Variants in NR6A1 observed in about 807,000 individuals in gnomAD.
NR6A1 encodes retinoic acid receptor-related testis-associated receptor.
Under a neutral mutation model 59.1 loss-of-function variants are expected in NR6A1, and 7 were observed. The observed-to-expected ratio is 0.12, with a 90% CI of 0.07 to 0.22. NR6A1 has a LOEUF of 0.22. Ranked by LOEUF, NR6A1 falls within the 10% of genes least tolerant of loss-of-function variation. NR6A1 has a pLI of 1.00. For missense variants in NR6A1, 468 were observed against 611.6 expected (o/e 0.77, Z 2.48); for synonymous variants, 243 against 236.1 (o/e 1.03, Z -0.27).
chr9:124,665,842 C>T lies in NR6A1; in HGVS notation c.142+67466G>A, dbSNP rs530011759. Among the ~76,000 whole-genome samples the T allele has an allele frequency of 2.6e-5, 4 of 152,286 alleles. No homozygotes were observed. The South Asian group carries it at 8.3e-4, about 32-fold the overall frequency. On this transcript the variant is annotated intron_variant, in intron 2 of 9. Coordinates refer to ENST00000487099, the MANE Select transcript of NR6A1 (RefSeq NM_033334.4). ...TTCTGTGGCAATTAATCTTACGAAC[C>T]AGAAAGACGCCTACAGAGTGTCTAA... is the stretch of plus-strand genomic sequence containing the variant.
intron 2 of NR6A1, among the ~76,000 whole-genome samples, chr9:124,574,190 C>G (rs1274118225): frequency 6.6e-6 from 1 of 152,176 alleles, no homozygotes; most frequent in Non-Finnish European, 1.5e-5. Flanking sequence ...AAAGTAGGTG[C>G]TCAGAAATAC....
intron 2 of NR6A1, among the ~76,000 whole-genome samples, chr9:124,571,795 T>TGCCATCC (rs1834443617): frequency 6.6e-6 from 1 of 152,160 alleles, no homozygotes; most frequent in Non-Finnish European, 1.5e-5. Context: ...TGATGACTCC[T>TGCCATCC]GCCATCCCTC....
Position 124,536,148 on chromosome 9 carries a change from A to G in NR6A1, c.825-16T>C. ...CACAGCGTATCTGAGGGGCAGGGAC[A>G]GGGGAAAGTCACTTCCATTGGTCAG... On this transcript the variant is annotated splice_polypyrimidine_tract_variant and intron_variant, in intron 6 of 9. Transcript: ENST00000487099. 6.2e-7 allele frequency: 1 copy of G among 1,607,072 alleles called. No individual in the cohort carries two copies. The highest frequency in any genetic ancestry group is 8.5e-7 in the Non-Finnish European group (1 of 1,175,656).
At chr9:124,653,622 G>C (rs1181290337) in intron 2 of NR6A1, among the ~76,000 whole-genome samples, 1 of 152,158 alleles carries the variant, frequency 6.6e-6, no homozygotes, top group East Asian at 1.9e-4. Flanking sequence ...TGCTAAGGCT[G>C]GTCTCGAACT....
chr9:124,627,822 C>T (rs1430967251), intron 2 of NR6A1, among the ~76,000 whole-genome samples: 1 of 150,686 alleles, frequency 6.6e-6, no homozygotes, highest in African/African-American at 2.4e-5. Context: ...ATCTGCCTGC[C>T]TTGGCCTCCC....
intron 7 of NR6A1, among the ~76,000 whole-genome samples, chr9:124,532,396 T>G (rs1432477638): frequency 6.6e-6 from 1 of 152,220 alleles, no homozygotes; most frequent in Non-Finnish European, 1.5e-5. Flanking sequence ...CCTTGGTCTA[T>G]GCTTGTACAG....
chr9:124,688,501 C>A (rs2131012884), intron 2 of NR6A1, among the ~76,000 whole-genome samples: 1 of 152,258 alleles, frequency 6.6e-6, no homozygotes, highest in Non-Finnish European at 1.5e-5. Context: ...TTGGTATCTG[C>A]AATTGGTACA....
intron 1 of NR6A1, among the ~76,000 whole-genome samples, chr9:124,767,486 T>C (rs1273841832): frequency 6.6e-6 from 1 of 151,232 alleles, no homozygotes; most frequent in Non-Finnish European, 1.5e-5. Context: ...CTAGCCGTCT[T>C]TGGAGGTCAC....
rs79110491 is a variant in NR6A1, at chr9:124,704,751, G to T, written c.142+28557C>A. On this transcript the variant is annotated intron_variant, in intron 2 of 9. Coordinates refer to ENST00000487099, the MANE Select transcript of NR6A1 (RefSeq NM_033334.4). ...TTAGTTAAAAAAAATTTTTGTGTGTGGGGGGGAAGACAGGGTCTCACTCTA... is the reference window on the plus strand; with the variant it reads ...TTAGTTAAAAAAAATTTTTGTGTGTTGGGGGGAAGACAGGGTCTCACTCTA... 5.7e-3 allele frequency among the ~76,000 whole-genome samples: 862 copies of T among 151,834 alleles called. 4 individuals are homozygous for T. Among genetic ancestry groups the T allele is most frequent in the Non-Finnish European group, 9.1e-3 (621 of 67,918 alleles).
At chr9:124,690,976 A>G (rs1163297063) in intron 2 of NR6A1, among the ~76,000 whole-genome samples, 3 of 152,214 alleles carry the variant, frequency 2.0e-5, no homozygotes, top group Non-Finnish European at 4.4e-5. Flanking sequence ...TTAGAATGCT[A>G]TGAATTTAAG....
chr9:124,603,720 T>C (rs1835508349), intron 2 of NR6A1, among the ~76,000 whole-genome samples: 1 of 152,018 alleles, frequency 6.6e-6, no homozygotes, highest in African/African-American at 2.4e-5. Context: ...ATTTGTTGAC[T>C]GAAGAAAGGA....
chr9:124,535,845 T>A, intron 7 of NR6A1, 33 bp downstream of exon 7: 1 of 1,611,084 alleles, frequency 6.2e-7, no homozygotes, highest in South Asian at 1.1e-5. Flanking sequence ...TGTTTGGTTG[T>A]TTGGTATTTC....
At chr9:124,706,914 C>T (rs1056264064) in intron 2 of NR6A1, among the ~76,000 whole-genome samples, 3 of 152,122 alleles carry the variant, frequency 2.0e-5, no homozygotes, top group Non-Finnish European at 4.4e-5. Flanking sequence ...TATTGTTTTT[C>T]CTTATCTATA....
intron 1 of NR6A1, among the ~76,000 whole-genome samples, chr9:124,734,464 G>A (rs1400123203): frequency 6.6e-6 from 1 of 152,148 alleles, no homozygotes; most frequent in Non-Finnish European, 1.5e-5. Flanking sequence ...AGGCCAAAAC[G>A]AGCTGATCAC....
At chr9:124,654,139 T>C (rs181491546) in intron 2 of NR6A1, among the ~76,000 whole-genome samples, 1 of 152,266 alleles carries the variant, frequency 6.6e-6, no homozygotes, top group East Asian at 1.9e-4. Context: ...ATATGATTCT[T>C]CTAGGACACT....
At chr9:124,534,189 C>T (rs910879137) in intron 7 of NR6A1, among the ~76,000 whole-genome samples, 7 of 151,952 alleles carry the variant, frequency 4.6e-5, no homozygotes, top group Admixed American at 2.0e-4. Flanking sequence ...TCTCCTGCCT[C>T]AGCCTCCCAA....
chr9:124,706,030 C>G (rs1263935274), intron 2 of NR6A1, among the ~76,000 whole-genome samples: 1 of 152,200 alleles, frequency 6.6e-6, no homozygotes, highest in African/African-American at 2.4e-5. Flanking sequence ...CCTGCCTCGG[C>G]CTCCCAAAGT....
chr9:124,707,163 T>C (rs1839157375), intron 2 of NR6A1, among the ~76,000 whole-genome samples: 1 of 152,160 alleles, frequency 6.6e-6, no homozygotes, highest in Admixed American at 6.5e-5. Context: ...GTCCCACAGA[T>C]CTCAGAGGTT....
rs577723500 is a variant in NR6A1, at chr9:124,521,667, T to C, written c.*1038A>G. The C allele has an allele frequency of 6.6e-6, 1 of 152,240 alleles. No individual in the cohort carries two copies. Among genetic ancestry groups the C allele is most frequent in the Non-Finnish European group, 1.5e-5 (1 of 68,060 alleles). 9.4% of individuals were successfully genotyped at this position (152,240 alleles called of 1,614,324 possible). On this transcript the variant is annotated 3_prime_UTR_variant, in exon 10 of 10. Transcript: ENST00000487099. ...GATTTCAAAAGGGGAGTGTCTATTC[T>C]TTTTGCAGTCTGGCCTTGCCCTACT...
Sources: allele counts gnomAD v4.1 joint callset (sites outside exome capture counted in the v4.1 genomes callset), GRCh38; gene constraint gnomAD v4.1.1; transcripts MANE v1.5; gene names NCBI Gene and HGNC (gene_info 2026-07-23, HGNC 2026-07-21).